FGF12: variants seen among roughly 807,000 people sequenced by gnomAD.
The protein encoded by FGF12 is fibroblast growth factor 12B.
In FGF12, 14 loss-of-function variants were observed where a neutral mutation model predicts 23.6. The observed-to-expected ratio is 0.59, with a 90% CI of 0.39 to 0.93. The LOEUF is 0.93. FGF12 is among the 40% of genes least tolerant of loss of function. The pLI is 0.00. For missense variants in FGF12, 175 were observed against 217.8 expected (o/e 0.80, Z 1.24); for synonymous variants, 62 against 77.3 (o/e 0.80, Z 1.04).
In FGF12 at chr3:192,577,028, G is replaced by GA. The variant is rs568891786; in HGVS notation, c.13+150152_13+150153insT. Among the ~76,000 whole-genome samples, 67 of 152,216 alleles carry GA rather than the reference G, an allele frequency of 4.4e-4. 1 individual carries two copies. Among genetic ancestry groups the GA allele is most frequent in the East Asian group, 3.3e-3 (17 of 5,166 alleles). Reference sequence around the variant, plus strand: ...CAATGAGAACACCGGGACACAGGGAGGGAACATCACACACCAGGGCCTGTC... The same window carrying GA: ...CAATGAGAACACCGGGACACAGGGAGAGGAACATCACACACCAGGGCCTGTC... On this transcript the variant is annotated intron_variant, in intron 2 of 5. Transcript: ENST00000445105.
chr3:192,474,932 C>A (rs1226295772), intron 2 of FGF12, among the ~76,000 whole-genome samples: 1 of 151,090 alleles, frequency 6.6e-6, no homozygotes, highest in Admixed American at 6.6e-5. Context: ...CAAAACAAAG[C>A]CCACAAAGAG....
chr3:192,201,262 T>G (rs1401789607), intron 4 of FGF12, among the ~76,000 whole-genome samples: 2 of 152,180 alleles, frequency 1.3e-5, no homozygotes, highest in African/African-American at 4.8e-5. Flanking sequence ...AAAGTCAAAT[T>G]TTGACACATA....
intron 2 of FGF12, among the ~76,000 whole-genome samples, chr3:192,495,556 G>C (rs922588451): frequency 2.0e-5 from 3 of 152,088 alleles, no homozygotes. Context: ...GTAAACTCAA[G>C]GAAAGAATTA....
chr3:192,579,583 T>C (rs1239634410), intron 2 of FGF12, among the ~76,000 whole-genome samples: 2 of 152,154 alleles, frequency 1.3e-5, no homozygotes, highest in African/African-American at 4.8e-5. Flanking sequence ...AGACGAAGTC[T>C]CTCTCTGTCA....
At chr3:192,352,007 GCT>G (rs1157737943) in intron 3 of FGF12, among the ~76,000 whole-genome samples, 1 of 151,934 alleles carries the variant, frequency 6.6e-6, no homozygotes, top group Non-Finnish European at 1.5e-5. Flanking sequence ...TGTGATACAG[GCT>G]TACCTATATC....
intron 2 of FGF12, among the ~76,000 whole-genome samples, chr3:192,526,603 C>T (rs1204773399): frequency 1.3e-5 from 2 of 152,124 alleles, no homozygotes; most frequent in African/African-American, 4.8e-5. Context: ...CACTTTTGTT[C>T]CCTTTCATGG....
At chr3:192,628,010 C>CTCTGG (rs1409429706) in intron 2 of FGF12, among the ~76,000 whole-genome samples, 1 of 152,014 alleles carries the variant, frequency 6.6e-6, no homozygotes, top group Non-Finnish European at 1.5e-5. Context: ...CCCACCCTAC[C>CTCTGG]AACTGATCTC....
At chr3:192,727,395 T>C in intron 1 of FGF12, 72 bp from the exon 2 acceptor site, 1 of 1,479,778 alleles carries the variant, frequency 6.8e-7, no homozygotes, top group Non-Finnish European at 9.0e-7. Context: ...CAGCAGCAGA[T>C]TGCCTCTACA....
chr3:192,587,340 C>G (rs1325527379), intron 2 of FGF12, among the ~76,000 whole-genome samples: 1 of 151,832 alleles, frequency 6.6e-6, no homozygotes, highest in Non-Finnish European at 1.5e-5. Context: ...TAGGAGTGGA[C>G]CCACTTTATT....
Position 192,409,076 on chromosome 3 carries a change from G to T in FGF12, c.14-48538C>A. The T allele has an allele frequency of 1.2e-6, 1 of 815,262 alleles. No homozygotes were observed. Among genetic ancestry groups the T allele is most frequent in the Non-Finnish European group, 1.5e-6 (1 of 675,072 alleles). 50.5% of individuals were successfully genotyped at this position (815,262 alleles called of 1,614,324 possible). On this transcript the variant is annotated intron_variant, in intron 2 of 5. Transcript: ENST00000445105. The surrounding 1 kb of genome is among the most constrained non-coding windows in gnomAD (Gnocchi z 4.8). ...CAAAGAGAGCGGGAGGCGAGGGAGG[G>T]GGGAGGGCGCGAGGGAGGGAGGGAG... is the stretch of plus-strand genomic sequence containing the variant.
At chr3:192,567,458 A>C (rs979082089) in intron 2 of FGF12, among the ~76,000 whole-genome samples, 2 of 152,170 alleles carry the variant, frequency 1.3e-5, no homozygotes, top group South Asian at 2.1e-4. Flanking sequence ...CTGGAGAGAA[A>C]TATGCCTGGG....
chr3:192,180,943 A>T lies in FGF12; in HGVS notation c.229-10287T>A, dbSNP rs575740967. Among the ~76,000 whole-genome samples, 4 of 152,278 alleles carry T rather than the reference A, an allele frequency of 2.6e-5. No individual in the cohort carries two copies. In the South Asian group the frequency reaches 8.3e-4, roughly 32 times the overall value. The stretch of plus-strand genomic sequence containing the variant: ...CAGCACTGTGGTTTTGTGAAGCTGA[A>T]GAGGCAGAAACTGTAGTTCGAGATT... On this transcript the variant is annotated intron_variant, in intron 4 of 5. Coordinates refer to ENST00000445105, the MANE Select transcript of FGF12 (RefSeq NM_004113.6).
At chr3:192,418,273 C>T (rs1721414693) in intron 2 of FGF12, among the ~76,000 whole-genome samples, 1 of 152,002 alleles carries the variant, frequency 6.6e-6, no homozygotes, top group Non-Finnish European at 1.5e-5. Flanking sequence ...CTACGCAGCA[C>T]CATAGAAATA....
intron 3 of FGF12, among the ~76,000 whole-genome samples, chr3:192,341,146 G>A (rs1717670070): frequency 6.6e-6 from 1 of 152,026 alleles, no homozygotes; most frequent in Admixed American, 6.6e-5. Flanking sequence ...TTAAAAAATG[G>A]ACACAGGGCT....
intron 4 of FGF12, among the ~76,000 whole-genome samples, chr3:192,277,471 T>C (rs965011008): frequency 6.6e-6 from 1 of 152,186 alleles, no homozygotes; most frequent in Non-Finnish European, 1.5e-5. Context: ...AACCAAAGAA[T>C]GATGCTTGGT....
Position 192,415,454 on chromosome 3 carries a change from C to T in FGF12, c.14-54916G>A, listed in dbSNP as rs940382905. On this transcript the variant is annotated intron_variant, in intron 2 of 5. Transcript: ENST00000445105. ...TGAATTAATTCATCAATCCATCCAC[C>T]CAGATTTTTGAGCCAAATAGATGCA... Among the ~76,000 whole-genome samples, 9 of 152,100 alleles carry T rather than the reference C, an allele frequency of 5.9e-5. No individual in the cohort carries two copies. In the South Asian group the frequency reaches 1.0e-3, roughly 18 times the overall value.
chr3:192,214,050 C>T (rs1231160739), intron 4 of FGF12, among the ~76,000 whole-genome samples: 5 of 152,118 alleles, frequency 3.3e-5, no homozygotes, highest in Non-Finnish European at 7.4e-5. Context: ...AATATTATAA[C>T]GCTCGTTACT....
In FGF12 at chr3:192,238,126, G is replaced by T. The variant is rs77393550; in HGVS notation, c.229-67470C>A. 147 of 152,660 alleles carry T rather than the reference G, an allele frequency of 9.6e-4. 3 individuals carry two copies. The East Asian group carries it at 0.027, about 28-fold the overall frequency. 9.5% of individuals were successfully genotyped at this position (152,660 alleles called of 1,614,324 possible). On this transcript the variant is annotated intron_variant, in intron 4 of 5. Transcript: ENST00000445105. Reference sequence around the variant, plus strand: ...CCTCAGCACTCTTGGGCTGCATGCTGTAATCCTGGGGGATGGGGGATTAGT... The same window carrying T: ...CCTCAGCACTCTTGGGCTGCATGCTTTAATCCTGGGGGATGGGGGATTAGT...
At chr3:192,468,414 T>C (rs539326677) in intron 2 of FGF12, among the ~76,000 whole-genome samples, 5 of 152,366 alleles carry the variant, frequency 3.3e-5, no homozygotes, top group Admixed American at 6.5e-5. Context: ...TCTTCCAGTG[T>C]ATCACATACA....
Sources: gnomAD v4.1 joint callset for allele counts (sites outside exome capture counted in the v4.1 genomes callset) on GRCh38, gnomAD v4.1.1 for gene constraint, Gnocchi (gnomAD v3.1) non-coding constraint, MANE v1.5 for transcripts, NCBI Gene and HGNC (gene_info 2026-07-23, HGNC 2026-07-21) for gene names.